The following PHF2 variants were observed in gnomAD, a reference collection of about 807,000 sequenced individuals.
PHF2 encodes PHD finger protein 2.
A neutral mutation model predicts 120.5 loss-of-function variants in PHF2; 27 were observed. That is an observed-to-expected ratio of 0.22 (90% CI 0.17 to 0.31). The LOEUF (loss-of-function observed/expected upper bound fraction) is 0.31, where lower values mean the gene tolerates loss of function less well. Ranked by LOEUF, PHF2 falls within the 10% of genes least tolerant of loss-of-function variation. The probability of loss-of-function intolerance (pLI) is 1.00; values close to 1 mark genes in which losing one functional copy is unlikely to be tolerated. For missense variants in PHF2, 1,024 were observed against 1,434.8 expected, an observed-to-expected ratio of 0.71 and a Z score of 4.63; for synonymous variants, 568 against 592.5, an observed-to-expected ratio of 0.96 and a Z score of 0.60.
intron 12 of PHF2, among the ~76,000 whole-genome samples, chr9:93,662,184 T>C (rs1251420036): frequency 2.0e-5 from 3 of 150,758 alleles, no homozygotes. Context: ...GATGGATGAA[T>C]GAATGGGTGA....
intron 1 of PHF2, among the ~76,000 whole-genome samples, chr9:93,612,231 T>C (rs1368423337): frequency 6.6e-6 from 1 of 152,232 alleles, no homozygotes; most frequent in Non-Finnish European, 1.5e-5. Context: ...CTGCAGTGAA[T>C]ACACATGATC....
At chr9:93,637,011 C>T (rs1241141166) in intron 3 of PHF2, among the ~76,000 whole-genome samples, 1 of 152,246 alleles carries the variant, frequency 6.6e-6, no homozygotes, top group Non-Finnish European at 1.5e-5. Context: ...GGGAGCGGCT[C>T]CTGGTGAGAA....
At chr9:93,649,234 G>T (rs1172104753) in intron 5 of PHF2, 22 bp downstream of exon 5, 3 of 1,531,968 alleles carry the variant, frequency 2.0e-6, no homozygotes, top group Non-Finnish European at 2.6e-6. Flanking sequence ...CACCCTGGGG[G>T]TGTGGGGGCT....
chr9:93,666,106 G>T (rs372720110), intron 16 of PHF2, 46 bp downstream of exon 16: 1 of 1,589,060 alleles, frequency 6.3e-7, no homozygotes, highest in Non-Finnish European at 8.6e-7. Flanking sequence ...GGCATCTCTG[G>T]GCAGTCCCCA....
chr9:93,640,435 T>C (rs1237809329), intron 3 of PHF2, among the ~76,000 whole-genome samples: 1 of 152,090 alleles, frequency 6.6e-6, no homozygotes, highest in Non-Finnish European at 1.5e-5. Flanking sequence ...TTTTTATTGA[T>C]ATAACTTCAA....
intron 1 of PHF2, among the ~76,000 whole-genome samples, chr9:93,627,492 A>ATT (rs55647503): frequency 0.023 from 2,526 of 108,124 alleles, 183 homozygotes; most frequent in East Asian, 0.11. Context: ...TTATTTCAGG[A>ATT]TTTTTTTTTT....
chr9:93,635,646 C>T (rs1159533155), intron 2 of PHF2, among the ~76,000 whole-genome samples: 1 of 152,088 alleles, frequency 6.6e-6, no homozygotes, highest in Admixed American at 6.5e-5. Flanking sequence ...TGTGTGTGTG[C>T]GCATAGGGCT....
intron 1 of PHF2, among the ~76,000 whole-genome samples, chr9:93,590,041 A>G (rs1392351598): frequency 6.6e-6 from 1 of 152,226 alleles, no homozygotes; most frequent in Non-Finnish European, 1.5e-5. Context: ...GTTTTTGTGC[A>G]TGTATGCATG....
At chr9:93,616,068 T>C (rs1009303650) in intron 1 of PHF2, among the ~76,000 whole-genome samples, 3 of 152,258 alleles carry the variant, frequency 2.0e-5, no homozygotes, top group Non-Finnish European at 2.9e-5. Flanking sequence ...GGCTGTAGTT[T>C]TTAGTGTCTG....
chr9:93,630,011 T>C lies in PHF2; in HGVS notation c.140T>C (p.Ile47Thr), dbSNP rs146651617. Residue 47 changes from isoleucine to threonine, a missense_variant, in exon 2 of 22, where the codon ATA (isoleucine) becomes ACA (threonine). Ile to Thr is a moderately conservative substitution (Grantham distance 89). This residue lies in a region of PHF2 where 347 missense variants were observed against 577.4 expected (regional missense o/e 0.60). Coordinates refer to ENST00000359246, the MANE Select transcript of PHF2 (RefSeq NM_005392.4). ...VEEEEAPDID[I>T]YHCPNCEKTH... Reference sequence around the variant, plus strand: ...GAGGAGGAGGCGCCCGACATCGACATATACCACTGCCCAAACTGTGAGAAA... The same window carrying C: ...GAGGAGGAGGCGCCCGACATCGACACATACCACTGCCCAAACTGTGAGAAA... 4.3e-6 allele frequency: 7 copies of C among 1,613,798 alleles called. No individual in the cohort carries two copies. In the African/African-American group the frequency reaches 6.7e-5, roughly 15 times the overall value.
chr9:93,629,859 TG>T, intron 1 of PHF2, 110 bp from the exon 2 acceptor site: 1 of 1,011,560 alleles, frequency 9.9e-7, no homozygotes, highest in Non-Finnish European at 1.6e-6. Flanking sequence ...GTGCTCCATC[TG>T]GCCCAGGTTC....
intron 17 of PHF2, among the ~76,000 whole-genome samples, chr9:93,669,887 TGTCTG>T (rs1826750944): frequency 6.6e-6 from 1 of 152,170 alleles, no homozygotes; most frequent in South Asian, 2.1e-4. Context: ...TCAGTCTCTG[TGTCTG>T]GTAACAGAGG....
chr9:93,662,649 G>A lies in PHF2; in HGVS notation c.1699-258G>A, dbSNP rs191783440. Among the ~76,000 whole-genome samples, 346 of 151,432 alleles carry A rather than the reference G, an allele frequency of 2.3e-3. 1 individual carries two copies. Among genetic ancestry groups the A allele is most frequent in the African/African-American group, 7.9e-3 (325 of 41,238 alleles). On this transcript the variant is annotated intron_variant, in intron 12 of 21. Coordinates refer to ENST00000359246, the MANE Select transcript of PHF2 (RefSeq NM_005392.4). Reference sequence around the variant, plus strand: ...TGGATGGATTGGTGGATGAATGAACGGGATGAATGAATGGATGAATGGGTT... The same window carrying A: ...TGGATGGATTGGTGGATGAATGAACAGGATGAATGAATGGATGAATGGGTT...
intron 2 of PHF2, 147 bp downstream of exon 2, chr9:93,630,202 C>G: frequency 1.4e-6 from 1 of 720,358 alleles, no homozygotes; most frequent in East Asian, 2.7e-5. Flanking sequence ...GGCCTGGGGA[C>G]CCTGCCAGCC....
chr9:93,653,232 A>G lies in PHF2; in HGVS notation c.656A>G (p.Glu219Gly). Reference protein sequence around the residue: ...PDIVKKLSWVENYWPDDALLA... With the variant: ...PDIVKKLSWVGNYWPDDALLA... ...ATTGTAAAGAAACTGTCATGGGTAG[A>G]AAACTACTGGCCAGATGATGCATTG... The change falls in exon 6 of 22, where the codon GAA (glutamate) becomes GGA (glycine). Residue 219 changes from glutamate to glycine, a missense_variant. Physicochemically the swap from Glu to Gly is moderately conservative, Grantham distance 98. Coordinates refer to ENST00000359246, the MANE Select transcript of PHF2 (RefSeq NM_005392.4). 1 of 1,614,214 alleles carries G rather than the reference A, an allele frequency of 6.2e-7. No individual in the cohort carries two copies. Among genetic ancestry groups the G allele is most frequent in the Non-Finnish European group, 8.5e-7 (1 of 1,180,022 alleles).
At chr9:93,603,307 T>A (rs1050640855) in intron 1 of PHF2, among the ~76,000 whole-genome samples, 7 of 152,120 alleles carry the variant, frequency 4.6e-5, no homozygotes, top group African/African-American at 1.7e-4. Context: ...CACGCTGCCC[T>A]CCCGACCCCG....
chr9:93,597,980 A>G (rs1220786215), intron 1 of PHF2, among the ~76,000 whole-genome samples: 1 of 152,080 alleles, frequency 6.6e-6, no homozygotes, highest in African/African-American at 2.4e-5. Context: ...AGGGGTCCTC[A>G]GGTCAACATG....
intron 1 of PHF2, among the ~76,000 whole-genome samples, chr9:93,582,432 G>A (rs897874361): frequency 5.9e-5 from 9 of 152,136 alleles, no homozygotes; most frequent in African/African-American, 2.2e-4. Flanking sequence ...CTCCCTCCTG[G>A]GTCTGAATAT....
At chr9:93,639,565 A>G (rs1325953676) in intron 3 of PHF2, among the ~76,000 whole-genome samples, 2 of 151,848 alleles carry the variant, frequency 1.3e-5, no homozygotes, top group Admixed American at 1.3e-4. Context: ...ACCTGTATTT[A>G]TTTTTCTTAC....
Sources: allele counts gnomAD v4.1 joint callset (sites outside exome capture counted in the v4.1 genomes callset), GRCh38; gene constraint gnomAD v4.1.1; regional missense constraint gnomAD v4.1.1; transcripts MANE v1.5; gene names NCBI Gene and HGNC (gene_info 2026-07-23, HGNC 2026-07-21).